BMPR1A: variants seen among roughly 807,000 people sequenced by gnomAD.
BMPR1A encodes the protein bone morphogenetic protein receptor type-1A.
In BMPR1A, 7 loss-of-function variants were observed where a neutral mutation model predicts 66.0. The ratio of observed to expected loss-of-function variants is 0.11; its 90% confidence interval spans 0.06 to 0.20. BMPR1A has a LOEUF of 0.20. Among genes scored for constraint, BMPR1A ranks in the 10% least tolerant of loss-of-function variants. The pLI is 1.00. For synonymous variants in BMPR1A, 200 were observed against 229.7 expected, an observed-to-expected ratio of 0.87 and a Z score of 1.17; for missense variants, 408 against 669.1, an observed-to-expected ratio of 0.61 and a Z score of 4.31.
At chr10:86,861,176 C>A (rs1842708141) in intron 2 of BMPR1A, among the ~76,000 whole-genome samples, 1 of 152,150 alleles carries the variant, frequency 6.6e-6, no homozygotes, top group South Asian at 2.1e-4. Flanking sequence ...CAGTACATTT[C>A]AACCTGAAAA....
chr10:86,875,101 G>A (rs763884605), intron 2 of BMPR1A, among the ~76,000 whole-genome samples: 26 of 151,836 alleles, frequency 1.7e-4, no homozygotes, highest in African/African-American at 6.0e-4. Flanking sequence ...CGCCTGGCAT[G>A]GTGACTCACA....
chr10:86,861,283 A>G (rs1842711729), intron 2 of BMPR1A, among the ~76,000 whole-genome samples: 1 of 152,252 alleles, frequency 6.6e-6, no homozygotes, highest in South Asian at 2.1e-4. Flanking sequence ...CTTCACGTGC[A>G]TACAGCAGGA....
chr10:86,790,162 CAAAAAAAAAAAAAAA>C (rs1170317792), intron 1 of BMPR1A, among the ~76,000 whole-genome samples: 540 of 7,060 alleles, frequency 0.076, 7 homozygotes, highest in Middle Eastern at 0.25. Flanking sequence ...ACTCTGTCTC[CAAAAAAAAAAAAAAA>C]AAAAAAAAAA....
At chr10:86,861,751 C>G (rs559588676) in intron 2 of BMPR1A, among the ~76,000 whole-genome samples, 1 of 152,216 alleles carries the variant, frequency 6.6e-6, no homozygotes. Flanking sequence ...TAATTTATAT[C>G]TCAAACTTGA....
At chr10:86,768,923 C>T (rs766323300) in intron 1 of BMPR1A, among the ~76,000 whole-genome samples, 13 of 135,698 alleles carry the variant, frequency 9.6e-5, no homozygotes, top group Non-Finnish European at 1.8e-4. Flanking sequence ...CAGTGCTTAA[C>T]ACTGTGCTTG....
chr10:86,883,917 C>G (rs902773584), intron 3 of BMPR1A, among the ~76,000 whole-genome samples: 2 of 149,314 alleles, frequency 1.3e-5, no homozygotes, highest in African/African-American at 4.9e-5. Flanking sequence ...CTCTGTGGCC[C>G]AGGCTGGAGT....
At chr10:86,783,461 G>A (rs1418024607) in intron 1 of BMPR1A, among the ~76,000 whole-genome samples, 1 of 152,162 alleles carries the variant, frequency 6.6e-6, no homozygotes, top group Non-Finnish European at 1.5e-5. Flanking sequence ...ACAATATAAG[G>A]TCTTCCAGTC....
At chr10:86,821,204 T>C (rs1842115695) in intron 1 of BMPR1A, among the ~76,000 whole-genome samples, 1 of 152,246 alleles carries the variant, frequency 6.6e-6, no homozygotes, top group Non-Finnish European at 1.5e-5. Context: ...TGGCTTCAGT[T>C]ACTGCTGCAG....
At chr10:86,881,357 A>T (rs1842982816) in intron 3 of BMPR1A, among the ~76,000 whole-genome samples, 1 of 152,356 alleles carries the variant, frequency 6.6e-6, no homozygotes, top group East Asian at 1.9e-4. Context: ...TTCTAACATG[A>T]ACTGTGCCAC....
chr10:86,802,280 C>T (rs1302523771), intron 1 of BMPR1A, among the ~76,000 whole-genome samples: 2 of 152,202 alleles, frequency 1.3e-5, no homozygotes, highest in Non-Finnish European at 2.9e-5. Context: ...TCTGCCCTTA[C>T]CCTGAATCCC....
intron 1 of BMPR1A, among the ~76,000 whole-genome samples, chr10:86,770,562 A>G (rs1841240759): frequency 6.6e-6 from 1 of 152,182 alleles, no homozygotes; most frequent in Non-Finnish European, 1.5e-5. Flanking sequence ...CAGTGTAGTC[A>G]GTATTAGCCA....
intron 2 of BMPR1A, among the ~76,000 whole-genome samples, chr10:86,857,800 A>G (rs1842662214): frequency 6.8e-6 from 1 of 146,538 alleles, no homozygotes. Flanking sequence ...TTTAAGACCT[A>G]GTCATTACTT....
chr10:86,920,292 C>G (rs368695737), intron 10 of BMPR1A, among the ~76,000 whole-genome samples: 1 of 152,170 alleles, frequency 6.6e-6, no homozygotes, highest in South Asian at 2.1e-4. Context: ...TTATTTCTTT[C>G]AGCAGTGTGC....
At chr10:86,858,782 C>T (rs1842677634) in intron 2 of BMPR1A, among the ~76,000 whole-genome samples, 1 of 151,950 alleles carries the variant, frequency 6.6e-6, no homozygotes, top group African/African-American at 2.4e-5. Context: ...GAAGCGGGCA[C>T]AAAATATGGA....
intron 7 of BMPR1A, among the ~76,000 whole-genome samples, chr10:86,907,051 C>T (rs1843405028): frequency 1.3e-5 from 2 of 152,010 alleles, no homozygotes; most frequent in African/African-American, 4.8e-5. Flanking sequence ...CATTTTTCTG[C>T]TGAGACTCTC....
intron 1 of BMPR1A, among the ~76,000 whole-genome samples, chr10:86,822,924 C>G (rs886706750): frequency 2.0e-5 from 3 of 152,084 alleles, no homozygotes; most frequent in Non-Finnish European, 4.4e-5. Context: ...GCCACTGTGC[C>G]GGCCTGAGCT....
Position 86,856,048 on chromosome 10 carries a change from A to G in BMPR1A, c.-153+17069A>G, listed in dbSNP as rs1254361506. 12 of 602,018 alleles carry G rather than the reference A, an allele frequency of 2.0e-5. No homozygotes were observed. In the East Asian group the frequency reaches 4.5e-4, roughly 23 times the overall value. 37.3% of individuals were successfully genotyped at this position (602,018 alleles called of 1,614,324 possible). The stretch of plus-strand genomic sequence containing the variant: ...TGGAGTTTTGGGAATTTGTGCTTCA[A>G]AAAACTCAGATGCTTCATAACAAAA... On this transcript the variant is annotated intron_variant, in intron 2 of 12. Transcript: ENST00000372037.
At position 86,793,630 on chromosome 10, in the gene BMPR1A, G is replaced by A. The variant is rs553553613; in HGVS notation, c.-268+36711G>A. 5.9e-5 allele frequency among the ~76,000 whole-genome samples: 9 copies of A among 152,234 alleles called. No homozygotes were observed. The South Asian group carries it at 1.9e-3, about 32-fold the overall frequency. ...CTCCCAAAGTGCTGGGATTACAGGTGAGCCACTGCGCCAGGCCTGACAGAT... is the reference window on the plus strand; with the variant it reads ...CTCCCAAAGTGCTGGGATTACAGGTAAGCCACTGCGCCAGGCCTGACAGAT... On this transcript the variant is annotated intron_variant, in intron 1 of 12. Coordinates refer to ENST00000372037, the MANE Select transcript of BMPR1A (RefSeq NM_004329.3).
chr10:86,910,527 G>T (rs1489343716), intron 7 of BMPR1A, among the ~76,000 whole-genome samples: 1 of 152,106 alleles, frequency 6.6e-6, no homozygotes. Flanking sequence ...GAAACCAGAA[G>T]TAGTTTTGTT....
Sources: allele counts gnomAD v4.1 joint callset (sites outside exome capture counted in the v4.1 genomes callset), GRCh38; gene constraint gnomAD v4.1.1; transcripts MANE v1.5; gene names NCBI Gene and HGNC (gene_info 2026-07-23, HGNC 2026-07-21).